The following MCM3AP variants were observed in gnomAD, a reference collection of about 807,000 sequenced individuals.
MCM3AP encodes the protein minichromosome maintenance complex component 3 associated protein, also known as germinal-center associated nuclear protein.
Under a neutral mutation model 184.1 loss-of-function variants are expected in MCM3AP, and 126 were observed. The observed-to-expected ratio is 0.68, with a 90% CI of 0.59 to 0.79. MCM3AP has a LOEUF of 0.79. Ranked by LOEUF, MCM3AP falls within the 30% of genes least tolerant of loss-of-function variation. MCM3AP has a pLI of 0.00. For missense variants in MCM3AP, 2,496 were observed against 2,479.2 expected (o/e 1.01, Z -0.14); for synonymous variants, 1,002 against 979.3 (o/e 1.02, Z -0.43).
chr21:46,246,540 C>A, intron 21 of MCM3AP, 88 bp downstream of exon 21: 1 of 1,557,234 alleles, frequency 6.4e-7, no homozygotes, highest in Non-Finnish European at 8.8e-7. Context: ...GATTCCTGAC[C>A]CCAACACTAC....
At chr21:46,258,894 C>G (rs2080997047) in intron 16 of MCM3AP, 45 bp downstream of exon 16, 1 of 1,608,460 alleles carries the variant, frequency 6.2e-7, no homozygotes, top group Non-Finnish European at 8.5e-7. Context: ...TTAAAAGACT[C>G]TTCCCCGTGT....
intron 22 of MCM3AP, 27 bp downstream of exon 22, chr21:46,246,276 TGACA>T (rs778362093): frequency 6.6e-6 from 9 of 1,369,294 alleles, no homozygotes; most frequent in African/African-American, 5.7e-5. Flanking sequence ...CAAAATATCT[TGACA>T]GACCATTAAA....
intron 8 of MCM3AP, among the ~76,000 whole-genome samples, chr21:46,271,775 C>T (rs974153277): frequency 2.0e-5 from 3 of 151,992 alleles, no homozygotes; most frequent in East Asian, 3.9e-4. Context: ...GCAAGAGAAT[C>T]GCTTGAACCC....
chr21:46,254,403 C>T lies in MCM3AP; in HGVS notation c.4125G>A (p.Glu1375=). Residue 1375 remains glutamate, a synonymous_variant, in exon 19 of 28, where the codon GAG becomes GAA. Transcript: ENST00000291688. ...AAACCCTTCCTGACCTGCCACAACT[C>T]TCTGGGGACTGCTCCTCTACATCCG... ...VLPDVEEQSP[E]SCGRILANWL... The T allele has an allele frequency of 6.2e-7, 1 of 1,614,224 alleles. No homozygotes were observed. Among genetic ancestry groups the T allele is most frequent in the African/African-American group, 1.3e-5 (1 of 75,074 alleles).
In MCM3AP at chr21:46,275,459, T is replaced by C. The variant is rs143291720; in HGVS notation, c.1859-134A>G. On this transcript the variant is annotated intron_variant, in intron 5 of 27. Transcript: ENST00000291688. ...ACATTACAAAAGAAAAGAAAAACATTTGTAAAACTCAGAGCCTCAGACAAA... is the reference window on the plus strand; with the variant it reads ...ACATTACAAAAGAAAAGAAAAACATCTGTAAAACTCAGAGCCTCAGACAAA... 1.5e-5 allele frequency: 12 copies of C among 793,938 alleles called. No individual in the cohort carries two copies. The African/African-American group carries it at 2.2e-4, about 14-fold the overall frequency. The allele number at this position is 793,938 out of a possible 1,614,324, so 49.2% of individuals were successfully genotyped here.
intron 9 of MCM3AP, among the ~76,000 whole-genome samples, chr21:46,268,902 C>CG (rs887055054): frequency 3.6e-4 from 54 of 151,972 alleles, no homozygotes; most frequent in African/African-American, 1.3e-3. Context: ...GGCGTGGTGG[C>CG]GGGCTCCTGT....
At position 46,256,963 on chromosome 21, in the gene MCM3AP, C is replaced by A; in HGVS notation, c.3758G>T (p.Arg1253Leu). 1 of 1,611,432 alleles carries A rather than the reference C, an allele frequency of 6.2e-7. No homozygotes were observed. The highest frequency in any genetic ancestry group is 1.3e-5 in the African/African-American group (1 of 75,014). ...LQRWREAVTA[R>L]KKLRRQMRAF... The stretch of plus-strand genomic sequence containing the variant: ...CCGCATTTGGCGCCTCAGTTTCTTG[C>A]GGGCTGTGACAGCTTCCCTCCACCT... The change falls in exon 17 of 28, where the codon CGC becomes CTC. Residue 1253 changes from arginine to leucine, a missense_variant. Physicochemically the swap from Arg to Leu is moderately radical, Grantham distance 102 (BLOSUM62 -2). Transcript: ENST00000291688.
chr21:46,256,689 A>C (rs2080955078), intron 17 of MCM3AP, 100 bp downstream of exon 17: 1 of 1,396,300 alleles, frequency 7.2e-7, no homozygotes, highest in Non-Finnish European at 9.6e-7. Flanking sequence ...TCCAGGCTTC[A>C]CCTATCTTCA....
At chr21:46,267,167 C>CA (rs1403434546) in intron 9 of MCM3AP, 25 bp from the exon 10 acceptor site, 3 of 1,606,176 alleles carry the variant, frequency 1.9e-6, no homozygotes, top group Non-Finnish European at 2.6e-6. Flanking sequence ...GAAATCACTG[C>CA]AGTCTCAGAC....
At chr21:46,274,938 CAAAAAAAAAAAA>C (rs35282554) in intron 6 of MCM3AP, among the ~76,000 whole-genome samples, 2 of 97,034 alleles carry the variant, frequency 2.1e-5, no homozygotes, top group Non-Finnish European at 3.9e-5. Flanking sequence ...GACCCTGTCT[CAAAAAAAAAAAA>C]AAAAAAAAAG....
At chr21:46,243,270 G>T (rs2080704518) in intron 24 of MCM3AP, 195 bp downstream of exon 24, 2 of 741,200 alleles carry the variant, frequency 2.7e-6, no homozygotes, top group Admixed American at 5.3e-5. Flanking sequence ...AGGGAGGTGA[G>T]TTCAGGCTCT....
intron 15 of MCM3AP, 54 bp from the exon 16 acceptor site, chr21:46,259,145 T>C (rs2081002604): frequency 1.2e-5 from 19 of 1,550,780 alleles, no homozygotes; most frequent in Non-Finnish European, 1.6e-5. Context: ...CCACAGACAC[T>C]GAGGGCTTGC....
Position 46,280,516 on chromosome 21 carries a change from A to G in MCM3AP, c.1503T>C (p.Phe501=), listed in dbSNP as rs781578254. The change falls in exon 3 of 28, where the codon TTT becomes TTC. Residue 501 remains phenylalanine, a synonymous_variant. Transcript: ENST00000291688. ...ACTCACTTATTTTCTTCCTGTGCCAAAAGATAGCCATGTCTTTATGCAAAC... is the reference window on the plus strand; with the variant it reads ...ACTCACTTATTTTCTTCCTGTGCCAGAAGATAGCCATGTCTTTATGCAAAC... ...GKSLHKDMAI[F]WHRKKISPNK... The G allele has an allele frequency of 1.2e-6, 2 of 1,611,250 alleles. No homozygotes were observed. The highest frequency in any genetic ancestry group is 2.2e-5 in the South Asian group (2 of 90,618).
chr21:46,258,954 C>T lies in MCM3AP; in HGVS notation c.3719G>A (p.Cys1240Tyr). The change falls in exon 16 of 28, where the codon TGC becomes TAC. Residue 1240 changes from cysteine (C) to tyrosine (Y), a missense_variant. Cys to Tyr is a radical substitution (Grantham distance 194). Around this residue, in one of 5 missense-constraint regions of MCM3AP, gnomAD observed 1,323 missense variants for 1,273.4 expected, o/e 1.04. Transcript: ENST00000291688. ...KETLQELQCFCKYLQRWREAV... is the reference protein window; with the variant it reads ...KETLQELQCFYKYLQRWREAV... ...CAGGACTCACCGCTGTAGATACTTG[C>T]AGAAGCACTGAAGCTCCTGGAGGGT... 1 of 1,614,106 alleles carries T rather than the reference C, an allele frequency of 6.2e-7. No homozygotes were observed.
At position 46,256,882 on chromosome 21, in the gene MCM3AP, G is replaced by A. The variant is rs535949676; in HGVS notation, c.3839C>T (p.Ala1280Val). Residue 1280 changes from alanine (A) to valine (V), a missense_variant, in exon 17 of 28, where the codon GCG becomes GTG. Transcript: ENST00000291688. ...VDVSDRLRALAPSAECPIAEE... is the reference protein window; with the variant it reads ...VDVSDRLRALVPSAECPIAEE... ...AGCAATGGGGCACTCTGCGCTGGGC[G>A]CCAGCGCCCTCAGCCGGTCGCTCAC... 95 of 1,598,352 alleles carry A rather than the reference G, an allele frequency of 5.9e-5. 1 individual carries two copies. In the Admixed American group the frequency reaches 1.2e-3, roughly 20 times the overall value.
Position 46,246,324 on chromosome 21 carries a change from G to T in MCM3AP, c.4630C>A (p.Leu1544Ile). The stretch of plus-strand genomic sequence containing the variant: ...AACCTTACCTTAGTTGAACCTTGTA[G>T]ATCATTAATGGTATCAGGGATCTCG... Reference protein sequence around the residue: ...VTEIPDTINDLQGSTKVLQAV... With the variant: ...VTEIPDTINDIQGSTKVLQAV... The change falls in exon 22 of 28, where the codon CTA (leucine) becomes ATA (isoleucine). Residue 1544 changes from leucine to isoleucine, a missense_variant. This residue lies in a region of MCM3AP where 1,323 missense variants were observed against 1,273.4 expected (regional missense o/e 1.04). Coordinates refer to ENST00000291688, the MANE Select transcript of MCM3AP (RefSeq NM_003906.5). The T allele has an allele frequency of 1.2e-6, 2 of 1,607,144 alleles. No homozygotes were observed. Among genetic ancestry groups the T allele is most frequent in the African/African-American group, 1.3e-5 (1 of 74,906 alleles).
intron 20 of MCM3AP, chr21:46,249,734 T>C: frequency 2.6e-6 from 1 of 379,852 alleles, no homozygotes; most frequent in Non-Finnish European, 5.1e-6. Flanking sequence ...GCACCTGGCC[T>C]GTGCCAGGCA....
At position 46,275,189 on chromosome 21, in the gene MCM3AP, G is replaced by T. The variant is rs1452704444; in HGVS notation, c.1995C>A (p.Asp665Glu). The T allele has an allele frequency of 6.2e-7, 1 of 1,612,936 alleles. No individual in the cohort carries two copies. The highest frequency in any genetic ancestry group is 1.1e-5 in the South Asian group (1 of 90,872). ...LSVFEVVPGTDQVDHAAAVKE... is the reference protein window; with the variant it reads ...LSVFEVVPGTEQVDHAAAVKE... Reference sequence around the variant, plus strand: ...ACGGGGAGATGCAGGGCTCTACCTGGTCAGTCCCTGGGACCACTTCGAACA... The same window carrying T: ...ACGGGGAGATGCAGGGCTCTACCTGTTCAGTCCCTGGGACCACTTCGAACA... The change falls in exon 6 of 28, where the codon GAC (aspartate) becomes GAA (glutamate). Residue 665 changes from aspartate (D) to glutamate (E), a missense_variant. Asp to Glu is a conservative substitution (Grantham distance 45). Coordinates refer to ENST00000291688, the MANE Select transcript of MCM3AP (RefSeq NM_003906.5).
At position 46,260,926 on chromosome 21, in the gene MCM3AP, T is replaced by A; in HGVS notation, c.3468-20A>T. On this transcript the variant is annotated intron_variant, in intron 14 of 27. Transcript: ENST00000291688. ...TTCAACCTACAGGGAAGAGAAAAAATACACAAGGGTAATGTTTAAGAATAA... is the reference window on the plus strand; with the variant it reads ...TTCAACCTACAGGGAAGAGAAAAAAAACACAAGGGTAATGTTTAAGAATAA... 1 of 1,502,956 alleles carries A rather than the reference T, an allele frequency of 6.7e-7. No individual in the cohort carries two copies. The highest frequency in any genetic ancestry group is 9.3e-7 in the Non-Finnish European group (1 of 1,078,790). 93.1% of individuals were successfully genotyped at this position (1,502,956 alleles called of 1,614,324 possible). A position where few individuals can be genotyped will look rare whatever the true frequency, so the allele number is the denominator to read the frequency against.
Sources: allele counts gnomAD v4.1 joint callset (sites outside exome capture counted in the v4.1 genomes callset), GRCh38; gene constraint gnomAD v4.1.1; regional missense constraint gnomAD v4.1.1; transcripts MANE v1.5; gene names NCBI Gene and HGNC (gene_info 2026-07-23, HGNC 2026-07-21).